Variants in TP63 observed in about 807,000 individuals in gnomAD.
TP63 encodes tumor protein 63.
A neutral mutation model predicts 82.8 loss-of-function variants in TP63; 17 were observed. That is an observed-to-expected ratio of 0.21 (90% CI 0.14 to 0.31). The LOEUF is 0.31. TP63 is among the 10% of genes least tolerant of loss of function. The probability of loss-of-function intolerance (pLI) is 1.00; values close to 1 mark genes in which losing one functional copy is unlikely to be tolerated. For missense variants in TP63, 648 were observed against 895.3 expected (o/e 0.72, Z 3.52); for synonymous variants, 330 against 321.7 (o/e 1.03, Z -0.28).
chr3:189,866,886 C>A, intron 6 of TP63, 89 bp downstream of exon 6: 1 of 1,043,564 alleles, frequency 9.6e-7, no homozygotes, highest in Admixed American at 1.8e-5. Flanking sequence ...AGGGATGTTT[C>A]TAGCATCTAT....
At chr3:189,672,853 A>G (rs1213407546) in intron 1 of TP63, among the ~76,000 whole-genome samples, 4 of 152,100 alleles carry the variant, frequency 2.6e-5, no homozygotes, top group Non-Finnish European at 4.4e-5. Context: ...CAAACAGTTA[A>G]ACCTCTAGCA....
chr3:189,789,255 A>G lies in TP63; in HGVS notation c.325-19017A>G, dbSNP rs139964214. On this transcript the variant is annotated intron_variant, in intron 3 of 13. Transcript: ENST00000264731. Reference sequence around the variant, plus strand: ...TTTGTGTAATCATTCTTGAAACCCCAAATCTAGATTTTAAAAAAGAAGCCT... The same window carrying G: ...TTTGTGTAATCATTCTTGAAACCCCGAATCTAGATTTTAAAAAAGAAGCCT... Among the ~76,000 whole-genome samples the G allele has an allele frequency of 1.2e-4, 18 of 152,180 alleles. No homozygotes were observed. The East Asian group carries it at 3.5e-3, about 29-fold the overall frequency.
upstream of TP63, among the ~76,000 whole-genome samples, chr3:189,627,514 A>G (rs1484654653): frequency 1.3e-5 from 2 of 152,178 alleles, no homozygotes; most frequent in Admixed American, 6.6e-5. Flanking sequence ...GTAGCCTCAC[A>G]TGGCTATTCA....
At chr3:189,865,777 G>C (rs1333876283) in intron 5 of TP63, among the ~76,000 whole-genome samples, 1 of 152,136 alleles carries the variant, frequency 6.6e-6, no homozygotes. Context: ...TTAACAATCT[G>C]CCATAAAGAA....
intron 3 of TP63, among the ~76,000 whole-genome samples, chr3:189,775,551 G>GT (rs1185704946): frequency 6.6e-6 from 1 of 152,136 alleles, no homozygotes; most frequent in Admixed American, 6.6e-5. Flanking sequence ...TTTGGATCGA[G>GT]TTTTTTGTAA....
chr3:189,755,202 G>A lies in TP63; in HGVS notation c.324+16428G>A, dbSNP rs572719696. Among the ~76,000 whole-genome samples, 7 of 152,160 alleles carry A rather than the reference G, an allele frequency of 4.6e-5. No homozygotes were observed. In the South Asian group the frequency reaches 6.2e-4, roughly 14 times the overall value. ...GTTACTGGTGCATAAATATACAGCC[G>A]AATATAAATTGTCATTCTTGCTGGT... is the stretch of plus-strand genomic sequence containing the variant. On this transcript the variant is annotated intron_variant, in intron 3 of 13. Coordinates refer to ENST00000264731, the MANE Select transcript of TP63 (RefSeq NM_003722.5).
chr3:189,757,785 G>A, intron 3 of TP63, among the ~76,000 whole-genome samples: 1 of 152,176 alleles, frequency 6.6e-6, no homozygotes, highest in East Asian at 1.9e-4. Flanking sequence ...GTGATGGTCA[G>A]GCAGTTGTTA....
chr3:189,696,627 G>T (rs1336776473), intron 1 of TP63, among the ~76,000 whole-genome samples: 2 of 152,094 alleles, frequency 1.3e-5, no homozygotes, highest in Non-Finnish European at 2.9e-5. Flanking sequence ...CTGTCAAACT[G>T]CTTTCCAAAG....
At chr3:189,627,834 C>T (rs1222567072), upstream of TP63, among the ~76,000 whole-genome samples, 4 of 152,066 alleles carry the variant, frequency 2.6e-5, no homozygotes, top group Non-Finnish European at 4.4e-5. Context: ...TAATGTGTCA[C>T]CTCCTCAGAC....
intron 3 of TP63, among the ~76,000 whole-genome samples, chr3:189,802,719 T>A (rs1726448232): frequency 1.3e-5 from 2 of 152,102 alleles, no homozygotes; most frequent in South Asian, 2.1e-4. Context: ...GTGTAAGGAG[T>A]ACTGAAGCGT....
chr3:189,878,593 CTTT>C (rs11333832), intron 10 of TP63, among the ~76,000 whole-genome samples: 3 of 130,368 alleles, frequency 2.3e-5, no homozygotes, highest in Non-Finnish European at 4.9e-5. Context: ...TTTTTTTTTT[CTTT>C]TTTTTTTTTT....
intron 3 of TP63, among the ~76,000 whole-genome samples, chr3:189,801,690 G>A (rs1726319239): frequency 6.6e-6 from 1 of 152,050 alleles, no homozygotes; most frequent in South Asian, 2.1e-4. Flanking sequence ...TCTCTCACCT[G>A]CCGTTGGGGC....
rs928445552 is a variant in TP63 at position 189,866,946 on chromosome 3, C to T, written c.882+149C>T. 4.0e-5 allele frequency: 29 copies of T among 724,644 alleles called. No homozygotes were observed. In the South Asian group the frequency reaches 4.7e-4, roughly 12 times the overall value. The allele number at this position is 724,644 out of a possible 1,614,324, so 44.9% of individuals were successfully genotyped here. A position where few individuals can be genotyped will look rare whatever the true frequency, so the allele number is the denominator to read the frequency against. On this transcript the variant is annotated intron_variant, in intron 6 of 13. Coordinates refer to ENST00000264731, the MANE Select transcript of TP63 (RefSeq NM_003722.5). ...ATATATAATATTTTTGTATTTTTTT[C>T]TACCTGTTCTCCACATGCTTTCCCT...
intron 4 of TP63, among the ~76,000 whole-genome samples, chr3:189,820,106 A>G (rs1211766349): frequency 6.6e-6 from 1 of 152,220 alleles, no homozygotes. Flanking sequence ...ATGCAAATGT[A>G]ACAAAGGCAT....
chr3:189,791,963 G>A (rs1478592313), intron 3 of TP63, among the ~76,000 whole-genome samples: 1 of 151,950 alleles, frequency 6.6e-6, no homozygotes. Flanking sequence ...TAAACATTGG[G>A]TAGATTAAAA....
chr3:189,847,332 T>C (rs536329450), intron 4 of TP63, among the ~76,000 whole-genome samples: 221 of 152,350 alleles, frequency 1.5e-3, no homozygotes, highest in African/African-American at 4.9e-3. Flanking sequence ...CACTCCAGCC[T>C]GGGTGACAGA....
At chr3:189,645,689 T>C (rs1053302780) in intron 1 of TP63, among the ~76,000 whole-genome samples, 2 of 130,036 alleles carry the variant, frequency 1.5e-5, no homozygotes, top group Non-Finnish European at 3.2e-5. Flanking sequence ...CAGTGTGTGA[T>C]GTTCCCTGCC....
chr3:189,752,267 A>G (rs546213370), intron 3 of TP63, among the ~76,000 whole-genome samples: 1 of 152,082 alleles, frequency 6.6e-6, no homozygotes, highest in South Asian at 2.1e-4. Flanking sequence ...TCAACCTCCT[A>G]GGCTCACCTG....
chr3:189,848,071 A>G (rs982069750), intron 4 of TP63, among the ~76,000 whole-genome samples: 3 of 152,168 alleles, frequency 2.0e-5, no homozygotes, highest in African/African-American at 2.4e-5. Flanking sequence ...GTATGTCAAG[A>G]TGGTCCCAGT....
Sources: allele counts gnomAD v4.1 joint callset (sites outside exome capture counted in the v4.1 genomes callset), GRCh38; gene constraint gnomAD v4.1.1; transcripts MANE v1.5; gene names NCBI Gene and HGNC (gene_info 2026-07-23, HGNC 2026-07-21).